The following FAM149B1 variants were observed in gnomAD, a reference collection of about 807,000 sequenced individuals.
FAM149B1 encodes primary cilium assembly protein FAM149B1.
Under a neutral mutation model 75.3 loss-of-function variants are expected in FAM149B1, and 56 were observed. That is an observed-to-expected ratio of 0.74 (90% CI 0.60 to 0.93). FAM149B1 has a LOEUF of 0.93. Ranked by LOEUF, FAM149B1 falls within the 40% of genes least tolerant of loss-of-function variation. The pLI is 0.00. For synonymous variants in FAM149B1, 259 were observed against 256.1 expected, an observed-to-expected ratio of 1.01 and a Z score of -0.11; for missense variants, 639 against 708.4, an observed-to-expected ratio of 0.90 and a Z score of 1.11.
At chr10:73,174,859 T>TGACACCAATCTTAAGCCAA in intron 2 of FAM149B1, 68 bp downstream of exon 2, 2 of 1,088,902 alleles carry the variant, frequency 1.8e-6, no homozygotes, top group Non-Finnish European at 1.4e-6. Flanking sequence ...TTTTTTGGCT[T>TGACACCAATCTTAAGCCAA]AAGATTGGTG....
chr10:73,200,572 G>A, intron 5 of FAM149B1: 1 of 745,172 alleles, frequency 1.3e-6, no homozygotes. Context: ...CAGATGAAAT[G>A]TTCAGCCAAG....
chr10:73,177,871 T>C lies in FAM149B1; in HGVS notation c.178T>C (p.Ser60Pro), dbSNP rs1436480241. 3 of 1,551,678 alleles carry C rather than the reference T, an allele frequency of 1.9e-6. No individual in the cohort carries two copies. In the Admixed American group the frequency reaches 5.9e-5, roughly 30 times the overall value. Residue 60 changes from serine to proline, a missense_variant, in exon 3 of 14, where the codon TCT becomes CCT. Physicochemically the swap from Ser to Pro is moderately conservative, Grantham distance 74 (BLOSUM62 -1). Transcript: ENST00000242505. ...CAAGTCTGACATCACAAGAGAATCA[T>C]CTTTTACATCAGCCGACACTGGGAA... ...QSKSDITRES[S>P]FTSADTGNSL...
intron 2 of FAM149B1, 28 bp downstream of exon 2, chr10:73,174,819 T>A (rs1219656233): frequency 2.0e-5 from 29 of 1,422,440 alleles, no homozygotes; most frequent in Non-Finnish European, 2.8e-5. Context: ...ACTTGTTTAC[T>A]TATTGCACTT....
At position 73,241,113 on chromosome 10, in the gene FAM149B1, C is replaced by G. The variant is rs991662933; in HGVS notation, c.*94C>G. The G allele has an allele frequency of 1.3e-6, 1 of 771,522 alleles. No individual in the cohort carries two copies. The highest frequency in any genetic ancestry group is 2.8e-5 in the East Asian group (1 of 35,300). The allele number at this position is 771,522 out of a possible 1,614,324, so 47.8% of individuals were successfully genotyped here. ...GTGATGCAGAGCTTGTATAGAAGAT[C>G]GACTAGAAATCATCTTCATGAAGAG... On this transcript the variant is annotated 3_prime_UTR_variant, in exon 14 of 14. Transcript: ENST00000242505.
intron 12 of FAM149B1, chr10:73,235,540 C>A: frequency 1.0e-6 from 1 of 1,000,916 alleles, no homozygotes; most frequent in Non-Finnish European, 1.4e-6. Flanking sequence ...ATATTCTAAG[C>A]AATTTAACAC....
chr10:73,194,591 C>T (rs2032727514), intron 5 of FAM149B1, among the ~76,000 whole-genome samples: 1 of 151,884 alleles, frequency 6.6e-6, no homozygotes, highest in East Asian at 1.9e-4. Flanking sequence ...TTTCGAACTC[C>T]TGACCTCATG....
At chr10:73,211,805 G>T (rs1044304790) in intron 7 of FAM149B1, among the ~76,000 whole-genome samples, 3 of 151,796 alleles carry the variant, frequency 2.0e-5, no homozygotes, top group African/African-American at 7.3e-5. Flanking sequence ...TATTTGAAGG[G>T]TCCAAGTGCG....
At chr10:73,230,204 A>G in intron 8 of FAM149B1, 2 of 447,576 alleles carry the variant, frequency 4.5e-6, no homozygotes, top group South Asian at 5.5e-5. Context: ...GGCTTCCCCT[A>G]CCTGCTGTCA....
intron 5 of FAM149B1, among the ~76,000 whole-genome samples, chr10:73,195,336 G>T (rs1390570361): frequency 1.3e-5 from 2 of 152,242 alleles, no homozygotes; most frequent in African/African-American, 4.8e-5. Context: ...TATTCCTGAA[G>T]TGATTTAAAC....
chr10:73,200,570 A>G (rs2042911085), intron 5 of FAM149B1: 3 of 746,510 alleles, frequency 4.0e-6, no homozygotes, highest in East Asian at 4.1e-5. Flanking sequence ...AGCAGATGAA[A>G]TGTTCAGCCA....
At chr10:73,176,944 T>G (rs1041291293) in intron 2 of FAM149B1, among the ~76,000 whole-genome samples, 5 of 152,108 alleles carry the variant, frequency 3.3e-5, no homozygotes, top group African/African-American at 1.2e-4. Flanking sequence ...GGAGAATCAC[T>G]TGAACCCGAG....
intron 13 of FAM149B1, among the ~76,000 whole-genome samples, chr10:73,239,960 T>G (rs1362668978): frequency 6.6e-6 from 1 of 152,232 alleles, no homozygotes; most frequent in Non-Finnish European, 1.5e-5. Context: ...AGTCTCACTC[T>G]GCTGATCAGG....
At chr10:73,203,918 G>T (rs995020045) in intron 5 of FAM149B1, among the ~76,000 whole-genome samples, 8 of 152,114 alleles carry the variant, frequency 5.3e-5, no homozygotes, top group African/African-American at 1.9e-4. Context: ...AGAGATTACA[G>T]GAATGAACCA....
intron 11 of FAM149B1, 49 bp from the exon 12 acceptor site, chr10:73,235,144 A>G (rs1311836243): frequency 5.2e-6 from 8 of 1,542,412 alleles, no homozygotes; most frequent in Middle Eastern, 1.7e-4. Flanking sequence ...ACTACATACC[A>G]CATTACAGAT....
At chr10:73,207,201 T>G (rs2043084945) in intron 5 of FAM149B1, among the ~76,000 whole-genome samples, 1 of 152,092 alleles carries the variant, frequency 6.6e-6, no homozygotes, top group African/African-American at 2.4e-5. Flanking sequence ...AGTGGAGCTG[T>G]GGGAAGGGGG....
chr10:73,194,748 A>G (rs1040825671), intron 5 of FAM149B1, among the ~76,000 whole-genome samples: 15 of 150,840 alleles, frequency 9.9e-5, no homozygotes, highest in African/African-American at 2.9e-4. Flanking sequence ...CAATGGTGCA[A>G]TCTCAGCTCA....
At chr10:73,169,272 C>T (rs903210149) in intron 1 of FAM149B1, among the ~76,000 whole-genome samples, 5 of 151,820 alleles carry the variant, frequency 3.3e-5, no homozygotes, top group South Asian at 2.1e-4. Context: ...TTGCAGTGAG[C>T]AGAGGTCACG....
chr10:73,201,546 C>G (rs551037556), intron 5 of FAM149B1, among the ~76,000 whole-genome samples: 35 of 152,196 alleles, frequency 2.3e-4, no homozygotes, highest in African/African-American at 7.7e-4. Context: ...AATAATGTAT[C>G]TGGGGACTAA....
At chr10:73,233,309 C>A in intron 10 of FAM149B1, 146 bp downstream of exon 10, 1 of 632,258 alleles carries the variant, frequency 1.6e-6, no homozygotes, top group Non-Finnish European at 2.7e-6. Context: ...GGTTTAGATC[C>A]AACACAAAAT....
Sources: allele counts gnomAD v4.1 joint callset (sites outside exome capture counted in the v4.1 genomes callset), GRCh38; gene constraint gnomAD v4.1.1; transcripts MANE v1.5; gene names NCBI Gene and HGNC (gene_info 2026-07-23, HGNC 2026-07-21).